The following LPP variants were observed in gnomAD, a reference collection of about 807,000 sequenced individuals.
LPP encodes LIM domain containing preferred translocation partner in lipoma.
LPP carries 38 observed loss-of-function variants against 60.4 expected under a neutral mutation model. The observed-to-expected ratio is 0.63, with a 90% CI of 0.49 to 0.83. The LOEUF (loss-of-function observed/expected upper bound fraction) is 0.83. LPP is among the 40% of genes least tolerant of loss of function. The pLI is 0.00. For missense variants in LPP, 902 were observed against 783.6 expected, an observed-to-expected ratio of 1.15 and a Z score of -1.80; for synonymous variants, 328 against 290.8, an observed-to-expected ratio of 1.13 and a Z score of -1.30.
At chr3:188,490,802 T>C (rs1467777974) in intron 5 of LPP, among the ~76,000 whole-genome samples, 1 of 136,654 alleles carries the variant, frequency 7.3e-6, no homozygotes, top group Non-Finnish European at 1.5e-5. Flanking sequence ...TTGTCCAGGC[T>C]GGAGTGCAGT....
chr3:188,385,949 A>T (rs1778152630), intron 3 of LPP, among the ~76,000 whole-genome samples: 2 of 152,256 alleles, frequency 1.3e-5, no homozygotes, highest in South Asian at 2.1e-4. Flanking sequence ...TACTGAGATG[A>T]TTCTTCTTTT....
chr3:188,278,121 GTTCAT>G (rs952133336), intron 2 of LPP, among the ~76,000 whole-genome samples: 6 of 152,026 alleles, frequency 3.9e-5, no homozygotes, highest in Non-Finnish European at 5.9e-5. Context: ...GCTTTCTATT[GTTCAT>G]TTCATTTAAT....
chr3:188,479,879 T>A (rs531122875), intron 4 of LPP, among the ~76,000 whole-genome samples: 4 of 152,350 alleles, frequency 2.6e-5, no homozygotes, highest in African/African-American at 9.6e-5. Flanking sequence ...ATTGTTCCCA[T>A]GTGTTTTTCT....
chr3:188,234,837 T>G (rs1429464104), intron 2 of LPP, among the ~76,000 whole-genome samples: 1 of 152,204 alleles, frequency 6.6e-6, no homozygotes, highest in East Asian at 1.9e-4. Flanking sequence ...ATGTCAAAGA[T>G]GGCAGTTCAA....
intron 3 of LPP, among the ~76,000 whole-genome samples, chr3:188,379,682 T>C (rs977410952): frequency 2.0e-5 from 3 of 152,214 alleles, no homozygotes; most frequent in Non-Finnish European, 4.4e-5. Flanking sequence ...ATAAACATCA[T>C]ACAACATCAT....
At chr3:188,476,984 G>A (rs1364775473) in intron 4 of LPP, among the ~76,000 whole-genome samples, 1 of 152,200 alleles carries the variant, frequency 6.6e-6, no homozygotes, top group Non-Finnish European at 1.5e-5. Context: ...TGTAGAAACG[G>A]GAGCAAAATG....
intron 2 of LPP, among the ~76,000 whole-genome samples, chr3:188,322,863 T>A (rs1757346866): frequency 1.3e-5 from 2 of 152,238 alleles, no homozygotes; most frequent in South Asian, 4.1e-4. Flanking sequence ...GATACCTATC[T>A]CAGGACCCAA....
chr3:188,291,435 C>T (rs904504663), intron 2 of LPP, among the ~76,000 whole-genome samples: 1 of 151,686 alleles, frequency 6.6e-6, no homozygotes, highest in Admixed American at 6.6e-5. Flanking sequence ...GTCAGGAGAT[C>T]GAGACCATCC....
At chr3:188,351,342 C>T (rs1487612999) in intron 3 of LPP, among the ~76,000 whole-genome samples, 3 of 152,124 alleles carry the variant, frequency 2.0e-5, no homozygotes, top group South Asian at 4.1e-4. Flanking sequence ...GAAGAAATGA[C>T]TTACTTAAAT....
At chr3:188,800,504 C>T (rs1226819261) in intron 9 of LPP, among the ~76,000 whole-genome samples, 1 of 152,082 alleles carries the variant, frequency 6.6e-6, no homozygotes, top group South Asian at 2.1e-4. Context: ...CTTGGCCTCC[C>T]AAAGTGCTGG....
intron 8 of LPP, among the ~76,000 whole-genome samples, chr3:188,729,054 A>G (rs533781981): frequency 1.3e-5 from 2 of 152,168 alleles, no homozygotes; most frequent in African/African-American, 2.4e-5. Flanking sequence ...TCTAGGAAAA[A>G]CCTCCCTAGG....
intron 7 of LPP, among the ~76,000 whole-genome samples, chr3:188,663,443 A>G (rs1470225788): frequency 1.3e-5 from 2 of 152,230 alleles, no homozygotes; most frequent in Admixed American, 1.3e-4. Flanking sequence ...TAAATTAAAG[A>G]TAAAACTCTT....
At chr3:188,630,546 A>T (rs1213203068) in intron 7 of LPP, among the ~76,000 whole-genome samples, 1 of 152,170 alleles carries the variant, frequency 6.6e-6, no homozygotes, top group Non-Finnish European at 1.5e-5. Flanking sequence ...CTCACTGTGG[A>T]AAGCAGTTCA....
chr3:188,479,534 T>C (rs1341488086), intron 4 of LPP, among the ~76,000 whole-genome samples: 2 of 152,222 alleles, frequency 1.3e-5, no homozygotes, highest in East Asian at 1.9e-4. Flanking sequence ...AATGGGTTTT[T>C]ATTTTTCAGT....
intron 1 of LPP, among the ~76,000 whole-genome samples, chr3:188,224,246 T>A (rs1716887048): frequency 6.6e-6 from 1 of 152,014 alleles, no homozygotes; most frequent in African/African-American, 2.4e-5. Context: ...TTGAGGTGGG[T>A]CATTTAAAAA....
intron 2 of LPP, among the ~76,000 whole-genome samples, chr3:188,228,299 T>C (rs1718567436): frequency 1.3e-5 from 2 of 152,176 alleles, no homozygotes; most frequent in Admixed American, 1.3e-4. Flanking sequence ...TGTGTGTGTC[T>C]CCAGAGTCTG....
intron 2 of LPP, among the ~76,000 whole-genome samples, chr3:188,310,867 G>C (rs1259526855): frequency 6.6e-6 from 1 of 152,136 alleles, no homozygotes; most frequent in Non-Finnish European, 1.5e-5. Flanking sequence ...ATAGTAAAGA[G>C]AGCCAACATT....
At chr3:188,296,428 A>T (rs1747903005) in intron 2 of LPP, among the ~76,000 whole-genome samples, 1 of 152,194 alleles carries the variant, frequency 6.6e-6, no homozygotes, top group Non-Finnish European at 1.5e-5. Context: ...CTGACTGAAG[A>T]GTGTGAGCAA....
At chr3:188,648,494 T>C (rs1851504387) in intron 7 of LPP, among the ~76,000 whole-genome samples, 1 of 152,192 alleles carries the variant, frequency 6.6e-6, no homozygotes, top group Non-Finnish European at 1.5e-5. Context: ...CATGAGCTGT[T>C]CATGTGTACT....
Sources: allele counts gnomAD v4.1 joint callset (sites outside exome capture counted in the v4.1 genomes callset), GRCh38; gene constraint gnomAD v4.1.1; transcripts MANE v1.5; gene names NCBI Gene and HGNC (gene_info 2026-07-23, HGNC 2026-07-21).